BPHL: variants seen among roughly 807,000 people sequenced by gnomAD.
BPHL encodes serine hydrolase BPHL.
Under a neutral mutation model 31.2 loss-of-function variants are expected in BPHL, and 27 were observed. The ratio of observed to expected loss-of-function variants is 0.87; its 90% confidence interval spans 0.64 to 1.19. The LOEUF (loss-of-function observed/expected upper bound fraction) is 1.19. BPHL is among the 50% of genes most tolerant of loss of function. The pLI is 0.00. For synonymous variants in BPHL, 150 were observed against 146.8 expected (o/e 1.02, Z -0.16); for missense variants, 356 against 375.7 (o/e 0.95, Z 0.43).
chr6:3,121,074 G>A (rs996446445), intron 1 of BPHL, among the ~76,000 whole-genome samples: 1 of 152,138 alleles, frequency 6.6e-6, no homozygotes, highest in Non-Finnish European at 1.5e-5. Flanking sequence ...AACAATAAAT[G>A]TAAAAGCCTG....
intron 4 of BPHL, among the ~76,000 whole-genome samples, chr6:3,133,243 C>T (rs1294629081): frequency 6.7e-6 from 1 of 148,662 alleles, no homozygotes; most frequent in Non-Finnish European, 1.5e-5. Context: ...CTCTTCTCTT[C>T]TGCTGGGCTC....
At position 3,137,490 on chromosome 6, in the gene BPHL, G is replaced by C. The variant is rs776025013; in HGVS notation, c.661G>C (p.Asp221His). ...CATAAGACAGTTTAAACATCTCCCAGATGGTAGGTTACTGGGCTTGAAGGG... is the reference window on the plus strand; with the variant it reads ...CATAAGACAGTTTAAACATCTCCCACATGGTAGGTTACTGGGCTTGAAGGG... ...DGIRQFKHLP[D>H]GNICRHLLPR... is the part of the protein sequence containing the mutation. The change falls in exon 5 of 7, where the codon GAT (aspartate) becomes CAT (histidine). Residue 221 changes from aspartate (D) to histidine (H), a missense_variant. Transcript: ENST00000380379. 1.2e-6 allele frequency: 2 copies of C among 1,613,828 alleles called. No individual in the cohort carries two copies. Among genetic ancestry groups the C allele is most frequent in the Non-Finnish European group, 1.7e-6 (2 of 1,179,954 alleles).
intron 4 of BPHL, among the ~76,000 whole-genome samples, chr6:3,134,601 T>G (rs1012605184): frequency 4.8e-5 from 7 of 145,246 alleles, no homozygotes; most frequent in African/African-American, 1.9e-4. Context: ...CGCACCTGGC[T>G]AATTTTTTTT....
chr6:3,137,275 C>A, intron 4 of BPHL, 87 bp from the exon 5 acceptor site: 1 of 1,504,142 alleles, frequency 6.6e-7, no homozygotes, highest in Non-Finnish European at 9.1e-7. Flanking sequence ...AGCGCATGGG[C>A]TCAGAAGTGG....
chr6:3,144,213 G>A (rs1441164617), intron 6 of BPHL, among the ~76,000 whole-genome samples: 4 of 151,638 alleles, frequency 2.6e-5, no homozygotes, highest in Non-Finnish European at 4.4e-5. Context: ...GACTACAGGC[G>A]CCCACCACCA....
chr6:3,119,224 C>T, intron 1 of BPHL: 1 of 1,443,120 alleles, frequency 6.9e-7, no homozygotes, highest in East Asian at 2.5e-5. Context: ...TAGTCCATTG[C>T]TCTGTCCAGA....
intron 6 of BPHL, among the ~76,000 whole-genome samples, chr6:3,148,330 T>G (rs1762434670): frequency 6.6e-6 from 1 of 152,206 alleles, no homozygotes. Flanking sequence ...CTTGGCTGTT[T>G]GGGTCTGGCC....
intron 4 of BPHL, among the ~76,000 whole-genome samples, chr6:3,129,700 G>A (rs1761816324): frequency 1.3e-5 from 2 of 151,908 alleles, no homozygotes; most frequent in African/African-American, 2.4e-5. Context: ...AATGTTGAGT[G>A]TGGAAAAGAA....
intron 6 of BPHL, 45 bp from the exon 7 acceptor site, chr6:3,152,443 A>T: frequency 1.3e-6 from 2 of 1,543,594 alleles, no homozygotes; most frequent in Non-Finnish European, 1.8e-6. Flanking sequence ...GTTTGTTCTT[A>T]AGTGGTGGGC....
chr6:3,135,045 A>G (rs908021353), intron 4 of BPHL, among the ~76,000 whole-genome samples: 4 of 152,072 alleles, frequency 2.6e-5, no homozygotes, highest in African/African-American at 4.8e-5. Context: ...CGGCCTCACA[A>G]TGTTTTATTT....
intron 6 of BPHL, among the ~76,000 whole-genome samples, chr6:3,148,184 CTTGTG>C (rs990715139): frequency 2.6e-5 from 4 of 152,216 alleles, no homozygotes; most frequent in Non-Finnish European, 5.9e-5. Context: ...AGGTCTGGGC[CTTGTG>C]TTGGGTTCAC....
At chr6:3,119,163 A>G (rs569130234) in intron 1 of BPHL, 6 of 898,960 alleles carry the variant, frequency 6.7e-6, no homozygotes, top group African/African-American at 4.9e-5. Context: ...ATTTGCCTGT[A>G]GTATGGACTC....
intron 4 of BPHL, among the ~76,000 whole-genome samples, chr6:3,129,805 G>GTT (rs112506760): frequency 1.0e-4 from 14 of 136,548 alleles, no homozygotes; most frequent in South Asian, 2.4e-4. Context: ...TGTCTTTGAG[G>GTT]TTTTTTTTTT....
intron 4 of BPHL, among the ~76,000 whole-genome samples, chr6:3,132,944 C>G (rs1459541437): frequency 6.6e-6 from 1 of 152,228 alleles, no homozygotes; most frequent in Non-Finnish European, 1.5e-5. Flanking sequence ...CTGGTTGTCT[C>G]ACACCTACTT....
intron 6 of BPHL, among the ~76,000 whole-genome samples, chr6:3,148,629 C>G (rs527800193): frequency 6.6e-6 from 1 of 152,358 alleles, no homozygotes; most frequent in East Asian, 1.9e-4. Flanking sequence ...CAGCCCTCCT[C>G]TTCCCAGGTG....
intron 1 of BPHL, among the ~76,000 whole-genome samples, chr6:3,121,445 G>A (rs371650968): frequency 6.6e-6 from 1 of 151,978 alleles, no homozygotes; most frequent in Admixed American, 6.6e-5. Context: ...GATTACAGGT[G>A]TGCACCACCA....
chr6:3,119,210 TCATTAGTC>T (rs915143613), intron 1 of BPHL: 2 of 1,354,022 alleles, frequency 1.5e-6, no homozygotes, highest in African/African-American at 2.9e-5. Flanking sequence ...CCCAACGCCC[TCATTAGTC>T]CATTGCTCTG....
chr6:3,146,470 G>C (rs1205048009), intron 6 of BPHL, among the ~76,000 whole-genome samples: 1 of 141,830 alleles, frequency 7.1e-6, no homozygotes, highest in African/African-American at 2.8e-5. Context: ...GTTCGGGTTG[G>C]AGTGCTGGTT....
intron 4 of BPHL, among the ~76,000 whole-genome samples, chr6:3,131,797 AC>A (rs1210340082): frequency 6.6e-6 from 1 of 152,042 alleles, no homozygotes; most frequent in African/African-American, 2.4e-5. Flanking sequence ...GCCAGCTTGC[AC>A]CAGCCTTCCC....
Sources: allele counts gnomAD v4.1 joint callset (sites outside exome capture counted in the v4.1 genomes callset), GRCh38; gene constraint gnomAD v4.1.1; transcripts MANE v1.5; gene names NCBI Gene and HGNC (gene_info 2026-07-23, HGNC 2026-07-21).